RBFOX3: variants seen among roughly 807,000 people sequenced by gnomAD.
The protein encoded by RBFOX3 is RNA binding protein fox-1 homolog 3.
A neutral mutation model predicts 48.7 loss-of-function variants in RBFOX3; 17 were observed. That is an observed-to-expected ratio of 0.35 (90% CI 0.24 to 0.52). The LOEUF (loss-of-function observed/expected upper bound fraction) is 0.52, where lower values mean the gene tolerates loss of function less well. RBFOX3 is among the 20% of genes least tolerant of loss of function. The probability of loss-of-function intolerance (pLI) is 0.94; values close to 1 mark genes in which losing one functional copy is unlikely to be tolerated. For missense variants in RBFOX3, 382 were observed against 497.5 expected (o/e 0.77, Z 2.21); for synonymous variants, 212 against 209.5 (o/e 1.01, Z -0.10).
At chr17:79,345,873 T>C (rs2082828639) in intron 2 of RBFOX3, among the ~76,000 whole-genome samples, 1 of 152,178 alleles carries the variant, frequency 6.6e-6, no homozygotes. Flanking sequence ...TTATACTCAT[T>C]TGATGTGTCT....
chr17:79,611,127 T>TCCGC (rs2093960307), upstream of RBFOX3, among the ~76,000 whole-genome samples: 1 of 34,928 alleles, frequency 2.9e-5, no homozygotes, highest in Non-Finnish European at 1.6e-4. Flanking sequence ...CTCTCCGCCC[T>TCCGC]CCTTCTCTCT....
intron 3 of RBFOX3, among the ~76,000 whole-genome samples, chr17:79,263,367 G>C (rs1444172217): frequency 6.6e-6 from 1 of 152,258 alleles, no homozygotes; most frequent in Non-Finnish European, 1.5e-5. Context: ...TGTAAATTCT[G>C]CAGCACTTGA....
intron 2 of RBFOX3, among the ~76,000 whole-genome samples, chr17:79,416,457 C>A (rs1180117933): frequency 2.6e-5 from 4 of 152,242 alleles, no homozygotes; most frequent in African/African-American, 9.6e-5. Flanking sequence ...CACTGTCAGC[C>A]CCCACTATCC....
chr17:79,382,034 C>A (rs1394940252), intron 2 of RBFOX3, among the ~76,000 whole-genome samples: 2 of 152,218 alleles, frequency 1.3e-5, no homozygotes, highest in Admixed American at 6.5e-5. Context: ...CAGAGCCCCC[C>A]AGGGCATGGC....
chr17:79,288,318 C>T (rs538951938), intron 3 of RBFOX3, among the ~76,000 whole-genome samples: 2 of 152,300 alleles, frequency 1.3e-5, no homozygotes, highest in South Asian at 2.1e-4. Flanking sequence ...GGAGGACGGA[C>T]GGGCACACAA....
intron 1 of RBFOX3, among the ~76,000 whole-genome samples, chr17:79,523,260 A>G (rs1599036557): frequency 6.6e-6 from 1 of 152,138 alleles, no homozygotes; most frequent in African/African-American, 2.4e-5. Context: ...AATGCTCTAC[A>G]TACCACTGAC....
chr17:79,415,937 C>T (rs559792666), intron 2 of RBFOX3, among the ~76,000 whole-genome samples: 53 of 152,238 alleles, frequency 3.5e-4, no homozygotes, highest in African/African-American at 1.2e-3. Flanking sequence ...CACCTGCAGA[C>T]GCCCCCAGAC....
intron 3 of RBFOX3, among the ~76,000 whole-genome samples, chr17:79,238,948 A>G (rs143838253): frequency 1.3e-5 from 2 of 152,120 alleles, no homozygotes; most frequent in Non-Finnish European, 2.9e-5. Flanking sequence ...TCTTCGGGCC[A>G]GGAGCTCCCC....
At chr17:79,647,546 C>T in the RBFOX3 span, among the ~76,000 whole-genome samples, 3 of 152,164 alleles carry the variant, frequency 2.0e-5, no homozygotes, top group Non-Finnish European at 4.4e-5. Flanking sequence ...CTCCATTTCC[C>T]GGCACTGGGA....
rs1399038740 is a variant in RBFOX3 at position 79,254,685 on chromosome 17, C to A, written c.-73-18880G>T. ...CCTCTTGGCGATTCGTATACTTGCC[C>A]CTCCATGCAGTGTCAGTCCAGGCTG... On this transcript the variant is annotated intron_variant, in intron 3 of 14. Coordinates refer to ENST00000693108, the MANE Select transcript of RBFOX3 (RefSeq NM_001350451.2). The surrounding 1 kb of genome is among the most constrained non-coding windows in gnomAD (Gnocchi z 4.8). 6.6e-6 allele frequency among the ~76,000 whole-genome samples: 1 copy of A among 152,134 alleles called. No individual in the cohort carries two copies. The highest frequency in any genetic ancestry group is 2.4e-5 in the African/African-American group (1 of 41,412).
intron 4 of RBFOX3, among the ~76,000 whole-genome samples, chr17:79,173,941 G>A (rs34528763): frequency 0.095 from 14,433 of 151,210 alleles, 915 homozygotes; most frequent in Non-Finnish European, 0.14. Flanking sequence ...GGGTGTCAGC[G>A]ACCTCTTAGT....
intron 4 of RBFOX3, among the ~76,000 whole-genome samples, chr17:79,156,507 C>T (rs906560662): frequency 6.6e-6 from 1 of 152,166 alleles, no homozygotes; most frequent in African/African-American, 2.4e-5. Flanking sequence ...TGCCCTCACC[C>T]CTCTTCCACG....
chr17:79,229,812 G>A (rs112946671), intron 4 of RBFOX3, among the ~76,000 whole-genome samples: 65 of 152,246 alleles, frequency 4.3e-4, no homozygotes, highest in African/African-American at 1.5e-3. Flanking sequence ...CACTTCCAAC[G>A]TGGGCCTGGG....
chr17:79,244,069 T>A (rs1411415274), intron 3 of RBFOX3, among the ~76,000 whole-genome samples: 2 of 152,168 alleles, frequency 1.3e-5, no homozygotes, highest in African/African-American at 4.8e-5. Context: ...CAGGGCAGAA[T>A]GGTGTCCCCA....
At chr17:79,433,328 TGCCC>T in intron 2 of RBFOX3, among the ~76,000 whole-genome samples, 1 of 152,218 alleles carries the variant, frequency 6.6e-6, no homozygotes, top group African/African-American at 2.4e-5. Context: ...CTGGACATCC[TGCCC>T]ATACCTCTGT....
At chr17:79,188,695 CTTTA>C (rs2053897268) in intron 4 of RBFOX3, among the ~76,000 whole-genome samples, 1 of 152,148 alleles carries the variant, frequency 6.6e-6, no homozygotes, top group Non-Finnish European at 1.5e-5. Context: ...TGTTGCCAAG[CTTTA>C]TTTATTTTAA....
At chr17:79,346,594 A>T (rs1210484471) in intron 2 of RBFOX3, among the ~76,000 whole-genome samples, 2 of 152,168 alleles carry the variant, frequency 1.3e-5, no homozygotes, top group Non-Finnish European at 2.9e-5. Flanking sequence ...TTGGTGTCTT[A>T]ATCTTCTATA....
chr17:79,585,333 A>G (rs2144925969), intron 1 of RBFOX3, among the ~76,000 whole-genome samples: 1 of 152,172 alleles, frequency 6.6e-6, no homozygotes, highest in Admixed American at 6.5e-5. Flanking sequence ...AGGCGGGTGC[A>G]TCACCTAAGG....
intron 3 of RBFOX3, among the ~76,000 whole-genome samples, chr17:79,267,977 C>T (rs554327698): frequency 5.3e-5 from 8 of 152,288 alleles, no homozygotes; most frequent in South Asian, 4.1e-4. Flanking sequence ...ACTTTTTATA[C>T]CCCCACTATA....
Sources: gnomAD v4.1 joint callset for allele counts (sites outside exome capture counted in the v4.1 genomes callset) on GRCh38, gnomAD v4.1.1 for gene constraint, Gnocchi (gnomAD v3.1) non-coding constraint, MANE v1.5 for transcripts, NCBI Gene and HGNC (gene_info 2026-07-23, HGNC 2026-07-21) for gene names.